Variants in HPSE2 observed in about 807,000 individuals in gnomAD.
HPSE2 encodes the protein inactive heparanase-2.
In HPSE2, 38 loss-of-function variants were observed where a neutral mutation model predicts 60.5. The observed-to-expected ratio is 0.63, with a 90% CI of 0.48 to 0.82. The LOEUF (loss-of-function observed/expected upper bound fraction) is 0.82. HPSE2 is among the 40% of genes least tolerant of loss of function. The pLI is 0.00. For synonymous variants in HPSE2, 295 were observed against 293.2 expected (o/e 1.01, Z -0.06); for missense variants, 713 against 740.4 (o/e 0.96, Z 0.43).
rs1954933407 is a variant in HPSE2 at position 98,939,793 on chromosome 10, C to T, written c.611-195737G>A. ...ACAAAATAAACATTCTTTTCAGCAC[C>T]ACACCACACCTATTCCAAAATTGAC... On this transcript the variant is annotated intron_variant, in intron 3 of 11. Coordinates refer to ENST00000370552, the MANE Select transcript of HPSE2 (RefSeq NM_021828.5). Among the ~76,000 whole-genome samples, 2 of 144,022 alleles carry T rather than the reference C, an allele frequency of 1.4e-5. 1 individual carries two copies. The highest frequency in any genetic ancestry group is 5.6e-5 in the African/African-American group (2 of 35,400). The allele number at this position is 144,022 out of a possible 152,430, so 94.5% of individuals were successfully genotyped here.
intron 9 of HPSE2, among the ~76,000 whole-genome samples, chr10:98,520,441 A>T (rs1001734707): frequency 6.6e-6 from 1 of 152,118 alleles, no homozygotes; most frequent in African/African-American, 2.4e-5. Context: ...GTCCCAAGTA[A>T]CCTCACATTT....
At chr10:98,594,131 C>T (rs1945166201) in intron 9 of HPSE2, among the ~76,000 whole-genome samples, 1 of 152,030 alleles carries the variant, frequency 6.6e-6, no homozygotes, top group Non-Finnish European at 1.5e-5. Context: ...TATGTATTAG[C>T]TCACATACTT....
At chr10:98,547,682 C>G (rs892797693) in intron 9 of HPSE2, among the ~76,000 whole-genome samples, 1 of 149,192 alleles carries the variant, frequency 6.7e-6, no homozygotes, top group African/African-American at 2.5e-5. Context: ...GGAGGGATGG[C>G]ATTAGGTGAT....
At chr10:98,782,941 G>GTTTTTT (rs576508491) in intron 3 of HPSE2, among the ~76,000 whole-genome samples, 2 of 116,100 alleles carry the variant, frequency 1.7e-5, no homozygotes, top group African/African-American at 3.4e-5. Flanking sequence ...TTTTTTTAAT[G>GTTTTTT]TTTTTTTTTT....
intron 3 of HPSE2, among the ~76,000 whole-genome samples, chr10:99,109,973 A>G (rs565690490): frequency 6.6e-6 from 1 of 152,300 alleles, no homozygotes; most frequent in South Asian, 2.1e-4. Flanking sequence ...GAGGAAATAA[A>G]AATTATTTAA....
At chr10:99,158,712 A>G (rs944664710) in intron 2 of HPSE2, among the ~76,000 whole-genome samples, 5 of 151,058 alleles carry the variant, frequency 3.3e-5, no homozygotes, top group African/African-American at 4.9e-5. Flanking sequence ...TAACCTGCAC[A>G]ATGTGCACAT....
chr10:99,262,704 G>C, the HPSE2 span, among the ~76,000 whole-genome samples: 1 of 152,116 alleles, frequency 6.6e-6, no homozygotes, highest in Non-Finnish European at 1.5e-5. Context: ...AACCAGACAA[G>C]TCTTATAGGT....
chr10:98,928,552 C>T (rs1363069635), intron 3 of HPSE2, among the ~76,000 whole-genome samples: 13 of 102,526 alleles, frequency 1.3e-4, no homozygotes, highest in Admixed American at 2.9e-4. Context: ...ATGTTTATTG[C>T]GGCATTATTC....
chr10:98,586,799 C>T (rs1404218377), intron 9 of HPSE2, among the ~76,000 whole-genome samples: 2 of 152,178 alleles, frequency 1.3e-5, no homozygotes, highest in Admixed American at 6.5e-5. Context: ...TACTCACAGT[C>T]GGATACCTAG....
intron 2 of HPSE2, among the ~76,000 whole-genome samples, chr10:99,172,752 C>T (rs1847363785): frequency 6.6e-6 from 1 of 152,148 alleles, no homozygotes; most frequent in South Asian, 2.1e-4. Context: ...GTGGCGCATG[C>T]TTGTAATCCC....
intron 2 of HPSE2, among the ~76,000 whole-genome samples, chr10:99,163,890 G>A (rs576470618): frequency 1.3e-5 from 2 of 151,926 alleles, no homozygotes; most frequent in African/African-American, 4.8e-5. Flanking sequence ...TTTGTGGAAC[G>A]ATACCACAAA....
At chr10:98,537,978 G>A (rs1328307657) in intron 9 of HPSE2, among the ~76,000 whole-genome samples, 1 of 152,230 alleles carries the variant, frequency 6.6e-6, no homozygotes, top group Non-Finnish European at 1.5e-5. Context: ...TAAGTGCAGA[G>A]AAGAAAACAC....
chr10:98,528,094 A>G (rs1236443665), intron 9 of HPSE2, among the ~76,000 whole-genome samples: 1 of 151,946 alleles, frequency 6.6e-6, no homozygotes, highest in Admixed American at 6.6e-5. Flanking sequence ...TCCTACCTGT[A>G]TTTTCTATGC....
intron 3 of HPSE2, among the ~76,000 whole-genome samples, chr10:98,985,517 G>C (rs560176570): frequency 1.3e-5 from 2 of 152,272 alleles, no homozygotes; most frequent in African/African-American, 2.4e-5. Flanking sequence ...GGAACAACCA[G>C]TACCAGCCAC....
At position 98,930,229 on chromosome 10, in the gene HPSE2, T is replaced by A. The variant is rs1472917462; in HGVS notation, c.611-186173A>T. On this transcript the variant is annotated intron_variant, in intron 3 of 11. Transcript: ENST00000370552. ...CAGTTCCCACTTATAAGTGAGAACATGCAGTGTTTGGTTTTCTGTTCCTGT... is the reference window on the plus strand; with the variant it reads ...CAGTTCCCACTTATAAGTGAGAACAAGCAGTGTTTGGTTTTCTGTTCCTGT... Among the ~76,000 whole-genome samples the A allele has an allele frequency of 1.4e-5, 2 of 144,036 alleles. 1 individual carries two copies. Among genetic ancestry groups the A allele is most frequent in the Non-Finnish European group, 3.0e-5 (2 of 67,228 alleles). 94.5% of individuals were successfully genotyped at this position (144,036 alleles called of 152,430 possible). A position where few individuals can be genotyped will look rare whatever the true frequency, so the allele number is the denominator to read the frequency against.
intron 3 of HPSE2, among the ~76,000 whole-genome samples, chr10:99,076,761 T>C (rs1272475907): frequency 1.3e-5 from 2 of 152,230 alleles, no homozygotes; most frequent in East Asian, 3.8e-4. Context: ...ATTACAATAT[T>C]GCATTATTCT....
At chr10:99,096,428 C>T (rs1843719759) in intron 3 of HPSE2, among the ~76,000 whole-genome samples, 1 of 152,104 alleles carries the variant, frequency 6.6e-6, no homozygotes, top group Admixed American at 6.5e-5. Context: ...CATTTTGTTG[C>T]CTATTTTAGA....
chr10:98,679,866 T>A (rs762910678), intron 6 of HPSE2, among the ~76,000 whole-genome samples: 15 of 151,986 alleles, frequency 9.9e-5, no homozygotes, highest in Non-Finnish European at 1.8e-4. Flanking sequence ...ATTTTTTTTT[T>A]ATTGTTTTTG....
At chr10:98,581,186 A>G (rs1589450433) in intron 9 of HPSE2, among the ~76,000 whole-genome samples, 1 of 152,032 alleles carries the variant, frequency 6.6e-6, no homozygotes, top group Non-Finnish European at 1.5e-5. Flanking sequence ...TACAGGTGTG[A>G]GCCACTGTGC....
Sources: gnomAD v4.1 joint callset for allele counts (sites outside exome capture counted in the v4.1 genomes callset) on GRCh38, gnomAD v4.1.1 for gene constraint, MANE v1.5 for transcripts, NCBI Gene and HGNC (gene_info 2026-07-23, HGNC 2026-07-21) for gene names.